Variants in FAM107B observed in about 807,000 individuals in gnomAD.
FAM107B encodes protein FAM107B.
A neutral mutation model predicts 31.5 loss-of-function variants in FAM107B; 21 were observed. That is an observed-to-expected ratio of 0.67 (90% CI 0.47 to 0.96). FAM107B has a LOEUF of 0.96. FAM107B is among the 40% of genes least tolerant of loss of function. The pLI, the probability that FAM107B is intolerant of heterozygous loss-of-function variation, is 0.00. For missense variants in FAM107B, 452 were observed against 377.1 expected (o/e 1.20, Z -1.64); for synonymous variants, 157 against 141.5 (o/e 1.11, Z -0.78).
intron 2 of FAM107B, among the ~76,000 whole-genome samples, chr10:14,623,294 G>A (rs1180329690): frequency 6.6e-6 from 1 of 152,212 alleles, no homozygotes; most frequent in East Asian, 1.9e-4. Context: ...GTAGGTGGAG[G>A]ACAGCTTATC....
intron 2 of FAM107B, among the ~76,000 whole-genome samples, chr10:14,659,327 G>GCTC (rs1202773737): frequency 4.6e-5 from 7 of 152,254 alleles, no homozygotes; most frequent in Admixed American, 3.3e-4. Flanking sequence ...TGTAGTCTCA[G>GCTC]CTCCTCCGGA....
chr10:14,589,929 C>G (rs934937303), intron 2 of FAM107B, among the ~76,000 whole-genome samples: 1 of 152,174 alleles, frequency 6.6e-6, no homozygotes, highest in Admixed American at 6.5e-5. Context: ...CAACATCCTC[C>G]TCAGAAAATA....
intron 2 of FAM107B, among the ~76,000 whole-genome samples, chr10:14,653,034 T>C (rs1221315417): frequency 6.6e-6 from 1 of 152,230 alleles, no homozygotes; most frequent in Non-Finnish European, 1.5e-5. Flanking sequence ...GCGTCATAAC[T>C]GGCCTTGGCT....
At chr10:14,658,943 A>T (rs912331898) in intron 2 of FAM107B, among the ~76,000 whole-genome samples, 3 of 152,232 alleles carry the variant, frequency 2.0e-5, no homozygotes, top group Non-Finnish European at 4.4e-5. Flanking sequence ...AAACCAAAAC[A>T]AACAAGGAAG....
At chr10:14,566,230 G>A (rs540455867) in intron 2 of FAM107B, among the ~76,000 whole-genome samples, 2 of 152,270 alleles carry the variant, frequency 1.3e-5, no homozygotes, top group African/African-American at 4.8e-5. Flanking sequence ...GGGAATGAAA[G>A]AATAAGTAGG....
At chr10:14,581,327 A>C (rs1309439706) in intron 2 of FAM107B, among the ~76,000 whole-genome samples, 1 of 152,228 alleles carries the variant, frequency 6.6e-6, no homozygotes, top group Non-Finnish European at 1.5e-5. Context: ...TGCTTAGGGA[A>C]AACAGCAAAG....
At chr10:14,744,437 G>C (rs1213422281) in intron 1 of FAM107B, among the ~76,000 whole-genome samples, 2 of 152,148 alleles carry the variant, frequency 1.3e-5, no homozygotes, top group Non-Finnish European at 2.9e-5. Flanking sequence ...GTTTTCAAGT[G>C]GAATGCTTCC....
intron 1 of FAM107B, among the ~76,000 whole-genome samples, chr10:14,672,334 C>T (rs139708961): frequency 0.027 from 4,181 of 152,148 alleles, 191 homozygotes; most frequent in African/African-American, 0.096. Flanking sequence ...TTGATCTGCC[C>T]GCCTCGGCCT....
intron 2 of FAM107B, among the ~76,000 whole-genome samples, chr10:14,606,807 A>C (rs1042419286): frequency 6.6e-5 from 8 of 120,392 alleles, no homozygotes; most frequent in African/African-American, 2.7e-4. Flanking sequence ...TGCAAGCCAG[A>C]AAGAGAGGCC....
intron 2 of FAM107B, among the ~76,000 whole-genome samples, chr10:14,547,204 T>C (rs1339526183): frequency 4.6e-5 from 7 of 152,202 alleles, no homozygotes; most frequent in African/African-American, 1.7e-4. Context: ...ACACGTTGTG[T>C]TCCTGGTGGG....
At chr10:14,767,079 G>GAGAC (rs1833192743) in intron 1 of FAM107B, among the ~76,000 whole-genome samples, 1 of 97,328 alleles carries the variant, frequency 1.0e-5, no homozygotes, top group East Asian at 2.9e-4. Context: ...GAGAGAGAGA[G>GAGAC]AGAGAGAGAG....
At chr10:14,660,376 C>T (rs1253625777) in intron 2 of FAM107B, among the ~76,000 whole-genome samples, 1 of 152,094 alleles carries the variant, frequency 6.6e-6, no homozygotes, top group Non-Finnish European at 1.5e-5. Flanking sequence ...AAAAAAATGG[C>T]CACTAGAAAG....
At chr10:14,558,522 A>C (rs1326884397) in intron 2 of FAM107B, among the ~76,000 whole-genome samples, 2 of 152,230 alleles carry the variant, frequency 1.3e-5, no homozygotes, top group Non-Finnish European at 2.9e-5. Context: ...ATTGGATGGC[A>C]ATTTCCAGAA....
chr10:14,733,415 A>C (rs1021328717), intron 1 of FAM107B, among the ~76,000 whole-genome samples: 2 of 152,198 alleles, frequency 1.3e-5, no homozygotes, highest in South Asian at 2.1e-4. Flanking sequence ...TACAAACCTG[A>C]CTAAAATGAT....
chr10:14,772,718 C>T (rs182926208), intron 1 of FAM107B, among the ~76,000 whole-genome samples: 7 of 152,218 alleles, frequency 4.6e-5, no homozygotes, highest in Admixed American at 2.0e-4. Flanking sequence ...ATCCATCCTA[C>T]GCTGTGGACC....
rs961735034 is a variant in FAM107B at position 14,758,651 on chromosome 10, C to T, written c.411+15602G>A. Among the ~76,000 whole-genome samples, 4 of 152,170 alleles carry T rather than the reference C, an allele frequency of 2.6e-5. No homozygotes were observed. In the South Asian group the frequency reaches 6.2e-4, roughly 24 times the overall value. Reference sequence around the variant, plus strand: ...TGGCCCTAGATGCCCAGCCGGGCTCCCCGTCTGGAGCGAGTGCCAATAGGC... The same window carrying T: ...TGGCCCTAGATGCCCAGCCGGGCTCTCCGTCTGGAGCGAGTGCCAATAGGC... On this transcript the variant is annotated intron_variant, in intron 1 of 4. Transcript: ENST00000181796.
At chr10:14,591,902 G>A (rs547961007) in intron 2 of FAM107B, among the ~76,000 whole-genome samples, 3 of 152,170 alleles carry the variant, frequency 2.0e-5, no homozygotes, top group East Asian at 3.9e-4. Context: ...AACATTCTAC[G>A]GAACAAGTGA....
In FAM107B at chr10:14,521,183, C is replaced by T. The variant is rs1845593063; in HGVS notation, c.*7G>A. 1 of 1,612,038 alleles carries T rather than the reference C, an allele frequency of 6.2e-7. No homozygotes were observed. The highest frequency in any genetic ancestry group is 8.5e-7 in the Non-Finnish European group (1 of 1,178,268). ...GGTGACACACGAGGTCTTGGTGCAG[C>T]CTCAGCCTAGGACTCCTGGGCTTGG... On this transcript the variant is annotated 3_prime_UTR_variant, in exon 5 of 5. Coordinates refer to ENST00000181796, the MANE Select transcript of FAM107B (RefSeq NM_031453.4).
chr10:14,705,236 G>A (rs1021804266), intron 1 of FAM107B, among the ~76,000 whole-genome samples: 2 of 152,092 alleles, frequency 1.3e-5, no homozygotes, highest in Non-Finnish European at 2.9e-5. Context: ...AGAATGTAGA[G>A]AAACTGGAAC....
Sources: gnomAD v4.1 joint callset for allele counts (sites outside exome capture counted in the v4.1 genomes callset) on GRCh38, gnomAD v4.1.1 for gene constraint, MANE v1.5 for transcripts, NCBI Gene and HGNC (gene_info 2026-07-23, HGNC 2026-07-21) for gene names.